ASB13: variants seen among roughly 807,000 people sequenced by gnomAD.
The protein encoded by ASB13 is ankyrin repeat and SOCS box protein 13.
Under a neutral mutation model 28.8 loss-of-function variants are expected in ASB13, and 33 were observed. The observed-to-expected ratio is 1.15, with a 90% CI of 0.87 to 1.53. ASB13 has a LOEUF of 1.53. Ranked by LOEUF, ASB13 falls within the 40% of genes most tolerant of loss-of-function variation. The pLI, the probability that ASB13 is intolerant of heterozygous loss-of-function variation, is 0.00. For synonymous variants in ASB13, 182 were observed against 172.9 expected (o/e 1.05, Z -0.41); for missense variants, 414 against 390.1 (o/e 1.06, Z -0.52).
intron 1 of ASB13, among the ~76,000 whole-genome samples, chr10:5,662,649 G>A (rs1407748888): frequency 7.6e-6 from 1 of 132,384 alleles, no homozygotes; most frequent in Non-Finnish European, 1.6e-5. Flanking sequence ...ATGAGATCCT[G>A]GATGATTAAC....
In ASB13 at chr10:5,658,661, C is replaced by T. The variant is rs1835109874; in HGVS notation, c.44-5611G>A. Among the ~76,000 whole-genome samples, 3 of 152,114 alleles carry T rather than the reference C, an allele frequency of 2.0e-5. No individual in the cohort carries two copies. In the South Asian group the frequency reaches 6.2e-4, roughly 31 times the overall value. On this transcript the variant is annotated intron_variant, in intron 1 of 5. Transcript: ENST00000357700. The surrounding 1 kb of genome is among the most constrained non-coding windows in gnomAD (Gnocchi z 4.2). ...CACAAAAATGTAAATGTACTCAACCCTACTGAAGTGGACACTTGAAATGGC... is the reference window on the plus strand; with the variant it reads ...CACAAAAATGTAAATGTACTCAACCTTACTGAAGTGGACACTTGAAATGGC...
Position 5,651,439 on chromosome 10 carries a change from C to T in ASB13, c.232-76G>A. On this transcript the variant is annotated intron_variant, in intron 2 of 5. Coordinates refer to ENST00000357700, the MANE Select transcript of ASB13 (RefSeq NM_024701.4). The surrounding 1 kb of genome is among the most constrained non-coding windows in gnomAD (Gnocchi z 5.1). The stretch of plus-strand genomic sequence containing the variant: ...CCACTTTCCCATCCTGCTGCAGGTT[C>T]ATCTTTGCTAAGATGCTTCTTAGAA... 1 of 1,439,610 alleles carries T rather than the reference C, an allele frequency of 6.9e-7. No individual in the cohort carries two copies. The highest frequency in any genetic ancestry group is 9.3e-7 in the Non-Finnish European group (1 of 1,074,812). 89.2% of individuals were successfully genotyped at this position (1,439,610 alleles called of 1,614,324 possible). A position where few individuals can be genotyped will look rare whatever the true frequency, so the allele number is the denominator to read the frequency against.
At chr10:5,654,290 C>G (rs1394528380) in intron 1 of ASB13, among the ~76,000 whole-genome samples, 1 of 151,970 alleles carries the variant, frequency 6.6e-6, no homozygotes, top group African/African-American at 2.4e-5. Flanking sequence ...AGAAGGAGCT[C>G]CAGGGGAAGG....
At chr10:5,654,241 C>A (rs895119368) in intron 1 of ASB13, among the ~76,000 whole-genome samples, 1 of 149,854 alleles carries the variant, frequency 6.7e-6, no homozygotes, top group African/African-American at 2.5e-5. Context: ...GGAGAGTCTG[C>A]GAAGAGGCCT....
In ASB13 at chr10:5,652,846, C is replaced by T; in HGVS notation, c.231+17G>A. The T allele has an allele frequency of 1.3e-6, 2 of 1,519,862 alleles. No homozygotes were observed. The highest frequency in any genetic ancestry group is 2.0e-5 in the Admixed American group (1 of 49,416). 94.1% of individuals were successfully genotyped at this position (1,519,862 alleles called of 1,614,324 possible). ...AGCTGCAGCCAGTCTGGGGGTCTGC[C>T]CTGAAGGGCCACTCACCTGGGCCCC... On this transcript the variant is annotated intron_variant, in intron 2 of 5. Coordinates refer to ENST00000357700, the MANE Select transcript of ASB13 (RefSeq NM_024701.4). The surrounding 1 kb of genome is among the most constrained non-coding windows in gnomAD (Gnocchi z 5.0).
Position 5,641,573 on chromosome 10 carries a change from G to A in ASB13, c.709+197C>T, listed in dbSNP as rs1412735641. ...ACAGCTTCTGCTGCTCCACGCCACG[G>A]GCCACAGGGAACCCAGGGAGAGCTG... On this transcript the variant is annotated intron_variant, in intron 5 of 5. Coordinates refer to ENST00000357700, the MANE Select transcript of ASB13 (RefSeq NM_024701.4). The surrounding 1 kb of genome is among the most constrained non-coding windows in gnomAD (Gnocchi z 8.4). 1.3e-5 allele frequency among the ~76,000 whole-genome samples: 2 copies of A among 152,074 alleles called. No homozygotes were observed. Among genetic ancestry groups the A allele is most frequent in the Non-Finnish European group, 2.9e-5 (2 of 68,002 alleles).
chr10:5,642,094 C>A lies in ASB13; in HGVS notation c.518-133G>T. On this transcript the variant is annotated intron_variant, in intron 4 of 5. Coordinates refer to ENST00000357700, the MANE Select transcript of ASB13 (RefSeq NM_024701.4). This position sits in a 1 kb window ranked among gnomAD's most constrained non-coding sequence, Gnocchi z 4.1. ...CCAGAAGACAAAATCAGGACAGACT[C>A]TACCGTAGCTTTCAAAAATGTTTTT... The A allele has an allele frequency of 1.3e-6, 1 of 784,748 alleles. No individual in the cohort carries two copies. Among genetic ancestry groups the A allele is most frequent in the African/African-American group, 1.7e-5 (1 of 58,272 alleles). The allele number at this position is 784,748 out of a possible 1,614,324, so 48.6% of individuals were successfully genotyped here. A position where few individuals can be genotyped will look rare whatever the true frequency, so the allele number is the denominator to read the frequency against.
At position 5,651,301 on chromosome 10, in the gene ASB13, G is replaced by A. The variant is rs369750017; in HGVS notation, c.294C>T (p.Ile98=). 4.2e-5 allele frequency: 68 copies of A among 1,613,896 alleles called. No homozygotes were observed. Among genetic ancestry groups the A allele is most frequent in the Non-Finnish European group, 5.4e-5 (64 of 1,179,978 alleles). ...AGGACAGCAAGAGCTTCACACACTC[G>A]ATGCTGCCCGAGGCGCAGGCATCGC... ...PLCDACASGS[I]ECVKLLLSYG... The change falls in exon 3 of 6, where the codon ATC becomes ATT. Residue 98 remains isoleucine, a synonymous_variant. Transcript: ENST00000357700. This position sits in a 1 kb window ranked among gnomAD's most constrained non-coding sequence, Gnocchi z 5.1.
At position 5,661,201 on chromosome 10, in the gene ASB13, C is replaced by G. The variant is rs1290263339; in HGVS notation, c.43+5308G>C. Among the ~76,000 whole-genome samples the G allele has an allele frequency of 6.6e-6, 1 of 152,146 alleles. No individual in the cohort carries two copies. Among genetic ancestry groups the G allele is most frequent in the African/African-American group, 2.4e-5 (1 of 41,450 alleles). Reference sequence around the variant, plus strand: ...CAGCTGGCCTGCTGGCCCCTGCACACTGCAGAGCTGGGCACCTCCAGAGCC... The same window carrying G: ...CAGCTGGCCTGCTGGCCCCTGCACAGTGCAGAGCTGGGCACCTCCAGAGCC... On this transcript the variant is annotated intron_variant, in intron 1 of 5. Transcript: ENST00000357700. The surrounding 1 kb of genome is among the most constrained non-coding windows in gnomAD (Gnocchi z 4.9).
chr10:5,641,763 G>A lies in ASB13; in HGVS notation c.709+7C>T, dbSNP rs755254874. 2.5e-6 allele frequency: 4 copies of A among 1,570,822 alleles called. No individual in the cohort carries two copies. The highest frequency in any genetic ancestry group is 2.6e-6 in the Non-Finnish European group (3 of 1,154,538). On this transcript the variant is annotated splice_region_variant and intron_variant, in intron 5 of 5. Transcript: ENST00000357700. The surrounding 1 kb of genome is among the most constrained non-coding windows in gnomAD (Gnocchi z 8.4). ...GGGGATGGGGTGCGCTCGGTGGGGT[G>A]TCTCACTTTCGTAGTACTCGAAGCA...
chr10:5,648,405 CTT>C lies in ASB13; in HGVS notation c.517+563_517+564del, dbSNP rs1834923108. 3.1e-5 allele frequency among the ~76,000 whole-genome samples: 4 copies of C among 131,104 alleles called. 2 individuals carry two copies. The highest frequency in any genetic ancestry group is 3.5e-5 in the Non-Finnish European group (2 of 56,462). The allele number at this position is 131,104 out of a possible 152,430, so 86.0% of individuals were successfully genotyped here. On this transcript the variant is annotated intron_variant, in intron 4 of 5. Transcript: ENST00000357700. Reference sequence around the variant, plus strand: ...AAACACCCACTCAGGCAAACACCCCCTTGGGTAAACACCCACTCAGGCAAACA... The same window carrying C: ...AAACACCCACTCAGGCAAACACCCCCGGGTAAACACCCACTCAGGCAAACA...
chr10:5,642,674 T>A lies in ASB13; in HGVS notation c.518-713A>T, dbSNP rs1554829340. On this transcript the variant is annotated intron_variant, in intron 4 of 5. Transcript: ENST00000357700. The surrounding 1 kb of genome is among the most constrained non-coding windows in gnomAD (Gnocchi z 4.1). ...TTGGGTTTTTTTTTTTGAGACAGAG[T>A]CTCACTCTGTTGCCCAGGCTGGAGT... 1 of 353,506 alleles carries A rather than the reference T, an allele frequency of 2.8e-6. No individual in the cohort carries two copies. The highest frequency in any genetic ancestry group is 5.1e-6 in the Non-Finnish European group (1 of 197,038). The allele number at this position is 353,506 out of a possible 1,614,324, so 21.9% of individuals were successfully genotyped here. A position where few individuals can be genotyped will look rare whatever the true frequency, so the allele number is the denominator to read the frequency against.
In ASB13 at chr10:5,664,727, C is replaced by G. The variant is rs1008823928; in HGVS notation, c.43+1782G>C. On this transcript the variant is annotated intron_variant, in intron 1 of 5. Coordinates refer to ENST00000357700, the MANE Select transcript of ASB13 (RefSeq NM_024701.4). This position sits in a 1 kb window ranked among gnomAD's most constrained non-coding sequence, Gnocchi z 4.2. ...ACGGAGTCTCACTCTGTCGCCCAGGCTGGAGTGCAATGGCATGATCTCAGC... is the reference window on the plus strand; with the variant it reads ...ACGGAGTCTCACTCTGTCGCCCAGGGTGGAGTGCAATGGCATGATCTCAGC... Among the ~76,000 whole-genome samples the G allele has an allele frequency of 5.3e-5, 8 of 152,276 alleles. No individual in the cohort carries two copies. Among genetic ancestry groups the G allele is most frequent in the Admixed American group, 3.3e-4 (5 of 15,302 alleles).
chr10:5,642,319 A>T lies in ASB13; in HGVS notation c.518-358T>A, dbSNP rs1025108900. Among the ~76,000 whole-genome samples, 7 of 152,164 alleles carry T rather than the reference A, an allele frequency of 4.6e-5. No homozygotes were observed. The highest frequency in any genetic ancestry group is 1.7e-4 in the African/African-American group (7 of 41,440). ...ATTTCCGGAAGCTCAAACCAGAGCC[A>T]CTCAAGCACTCCCGCCTGGCCTCCA... is the stretch of plus-strand genomic sequence containing the variant. On this transcript the variant is annotated intron_variant, in intron 4 of 5. Coordinates refer to ENST00000357700, the MANE Select transcript of ASB13 (RefSeq NM_024701.4). This position sits in a 1 kb window ranked among gnomAD's most constrained non-coding sequence, Gnocchi z 4.1.
At position 5,663,450 on chromosome 10, in the gene ASB13, C is replaced by G. The variant is rs1835206556; in HGVS notation, c.43+3059G>C. ...CTCCTCCCTTGCCCCTGGTCCACCCCAAAGGCTATGGCCCAGGGAGCATGG... is the reference window on the plus strand; with the variant it reads ...CTCCTCCCTTGCCCCTGGTCCACCCGAAAGGCTATGGCCCAGGGAGCATGG... On this transcript the variant is annotated intron_variant, in intron 1 of 5. Transcript: ENST00000357700. The surrounding 1 kb of genome is among the most constrained non-coding windows in gnomAD (Gnocchi z 4.9). 6.6e-6 allele frequency among the ~76,000 whole-genome samples: 1 copy of G among 152,144 alleles called. No homozygotes were observed. Among genetic ancestry groups the G allele is most frequent in the Non-Finnish European group, 1.5e-5 (1 of 68,024 alleles).
chr10:5,658,570 G>A lies in ASB13; in HGVS notation c.44-5520C>T, dbSNP rs778449673. The stretch of plus-strand genomic sequence containing the variant: ...CAGGGGCTTGGGGGAGGAGAAATGG[G>A]GAGTTAGTGTTTCATGGGGACAGAA... On this transcript the variant is annotated intron_variant, in intron 1 of 5. Coordinates refer to ENST00000357700, the MANE Select transcript of ASB13 (RefSeq NM_024701.4). The surrounding 1 kb of genome is among the most constrained non-coding windows in gnomAD (Gnocchi z 4.2). Among the ~76,000 whole-genome samples the A allele has an allele frequency of 6.6e-6, 1 of 152,130 alleles. No homozygotes were observed. The highest frequency in any genetic ancestry group is 1.5e-5 in the Non-Finnish European group (1 of 68,016).
At position 5,652,822 on chromosome 10, in the gene ASB13, G is replaced by C. The variant is rs1400549925; in HGVS notation, c.231+41C>G. 1.4e-6 allele frequency: 2 copies of C among 1,474,024 alleles called. No individual in the cohort carries two copies. Among genetic ancestry groups the C allele is most frequent in the Admixed American group, 4.5e-5 (2 of 43,976 alleles). The allele number at this position is 1,474,024 out of a possible 1,614,324, so 91.3% of individuals were successfully genotyped here. On this transcript the variant is annotated intron_variant, in intron 2 of 5. Transcript: ENST00000357700. The surrounding 1 kb of genome is among the most constrained non-coding windows in gnomAD (Gnocchi z 5.0). Reference sequence around the variant, plus strand: ...TGAGTCAACCTCCTCCATTCTGGCAGCTGCAGCCAGTCTGGGGGTCTGCCC... The same window carrying C: ...TGAGTCAACCTCCTCCATTCTGGCACCTGCAGCCAGTCTGGGGGTCTGCCC...
In ASB13 at chr10:5,650,489, C is replaced by G. The variant is rs115112047; in HGVS notation, c.382+724G>C. ...CGTGGAAGGGCACATACCCCATACC[C>G]TGCACCCCAGATGTGCATCCAAAGA... is the stretch of plus-strand genomic sequence containing the variant. On this transcript the variant is annotated intron_variant, in intron 3 of 5. Coordinates refer to ENST00000357700, the MANE Select transcript of ASB13 (RefSeq NM_024701.4). The surrounding 1 kb of genome is among the most constrained non-coding windows in gnomAD (Gnocchi z 6.0). 3.5e-3 allele frequency among the ~76,000 whole-genome samples: 529 copies of G among 152,358 alleles called. 4 individuals are homozygous for G. The highest frequency in any genetic ancestry group is 0.012 in the African/African-American group (500 of 41,582).
At chr10:5,653,767 C>T (rs183164809) in intron 1 of ASB13, among the ~76,000 whole-genome samples, 161 of 152,226 alleles carry the variant, frequency 1.1e-3, no homozygotes, top group Middle Eastern at 3.4e-3. Flanking sequence ...CTGCAACCTC[C>T]GCCTCCCGGG....
Sources: gnomAD v4.1 joint callset for allele counts (sites outside exome capture counted in the v4.1 genomes callset) on GRCh38, gnomAD v4.1.1 for gene constraint, Gnocchi (gnomAD v3.1) non-coding constraint, MANE v1.5 for transcripts, NCBI Gene and HGNC (gene_info 2026-07-23, HGNC 2026-07-21) for gene names.